CD226: variants seen among roughly 807,000 people sequenced by gnomAD.
The protein encoded by CD226 is CD226 antigen.
In CD226, 24 loss-of-function variants were observed where a neutral mutation model predicts 34.9. The ratio of observed to expected loss-of-function variants is 0.69; its 90% CI spans 0.50 to 0.97. The LOEUF (loss-of-function observed/expected upper bound fraction) is 0.97. Ranked by LOEUF, CD226 falls within the 50% of genes least tolerant of loss-of-function variation. The pLI is 0.00. For missense variants in CD226, 397 were observed against 412.7 expected, an observed-to-expected ratio of 0.96 and a Z score of 0.33; for synonymous variants, 148 against 147.4, an observed-to-expected ratio of 1.00 and a Z score of -0.03.
intron 2 of CD226, among the ~76,000 whole-genome samples, chr18:69,921,326 G>C (rs2055448110): frequency 6.6e-6 from 1 of 152,062 alleles, no homozygotes; most frequent in South Asian, 2.1e-4. Context: ...TGTTCTGTCT[G>C]CTGAGATCCT....
At chr18:69,898,852 A>G (rs1210282287) in intron 2 of CD226, among the ~76,000 whole-genome samples, 1 of 152,214 alleles carries the variant, frequency 6.6e-6, no homozygotes, top group Non-Finnish European at 1.5e-5. Flanking sequence ...AAGAGCCCAC[A>G]CAAACAAGAG....
chr18:69,907,946 CCT>C (rs1384098636), intron 2 of CD226, among the ~76,000 whole-genome samples: 2 of 152,076 alleles, frequency 1.3e-5, no homozygotes, highest in African/African-American at 4.8e-5. Context: ...TAAGTTATAA[CCT>C]CTGTTTGTAC....
Position 69,857,395 on chromosome 18 carries a change from T to C in CD226, c.*6919A>G, listed in dbSNP as rs1982643138. 1 of 152,198 alleles carries C rather than the reference T, an allele frequency of 6.6e-6. No homozygotes were observed. The highest frequency in any genetic ancestry group is 2.1e-4 in the South Asian group (1 of 4,832). 9.4% of individuals were successfully genotyped at this position (152,198 alleles called of 1,614,324 possible). A position where few individuals can be genotyped will look rare whatever the true frequency, so the allele number is the denominator to read the frequency against. The stretch of plus-strand genomic sequence containing the variant: ...CAACTGAAGCCACATCCAAAGCTGT[T>C]ACTCAGAAAACTTAGTATCACTGAG... On this transcript the variant is annotated 3_prime_UTR_variant, in exon 6 of 6. Coordinates refer to ENST00000582621, the MANE Select transcript of CD226 (RefSeq NM_001303618.2).
At chr18:69,904,417 C>A (rs930228646) in intron 2 of CD226, among the ~76,000 whole-genome samples, 1 of 152,234 alleles carries the variant, frequency 6.6e-6, no homozygotes, top group Non-Finnish European at 1.5e-5. Flanking sequence ...ACTGCTGAGA[C>A]CACCGGCCTC....
intron 3 of CD226, among the ~76,000 whole-genome samples, chr18:69,882,359 G>A (rs1018327351): frequency 4.6e-5 from 7 of 152,128 alleles, no homozygotes; most frequent in African/African-American, 9.7e-5. Context: ...TTGTGTGTAC[G>A]TTTTACCTAC....
chr18:69,865,122 T>C (rs936858211), intron 5 of CD226, among the ~76,000 whole-genome samples: 3 of 152,120 alleles, frequency 2.0e-5, no homozygotes, highest in Non-Finnish European at 4.4e-5. Flanking sequence ...CACGAGTAGC[T>C]GGGATTACAG....
At chr18:69,885,691 T>C (rs1330582748) in intron 3 of CD226, among the ~76,000 whole-genome samples, 1 of 152,138 alleles carries the variant, frequency 6.6e-6, no homozygotes. Flanking sequence ...AATCTGTTCC[T>C]GGTGTGGATT....
upstream of CD226, among the ~76,000 whole-genome samples, chr18:69,957,980 A>G (rs2055910283): frequency 5.3e-5 from 8 of 152,074 alleles, 1 homozygote; most frequent in South Asian, 1.5e-3. Flanking sequence ...TCCAACTTAC[A>G]TTGTGTAATT....
Position 69,931,363 on chromosome 18 carries a change from C to T in CD226, c.382+15371G>A, listed in dbSNP as rs531961103. Among the ~76,000 whole-genome samples the T allele has an allele frequency of 8.3e-4, 124 of 149,648 alleles. 1 individual carries two copies. Among genetic ancestry groups the T allele is most frequent in the Non-Finnish European group, 3.1e-4 (21 of 67,396 alleles). On this transcript the variant is annotated intron_variant, in intron 2 of 5. Coordinates refer to ENST00000582621, the MANE Select transcript of CD226 (RefSeq NM_001303618.2). ...AAACCTGCATGTTGTGCACATGTAC[C>T]CTAAAACTTAAAGTATAATAATAAT...
upstream of CD226, among the ~76,000 whole-genome samples, chr18:69,950,964 T>C (rs1187273693): frequency 7.6e-6 from 1 of 132,274 alleles, no homozygotes; most frequent in Non-Finnish European, 1.6e-5. Flanking sequence ...TACTGAAAAC[T>C]ATGATTTTGT....
At chr18:69,866,808 G>T (rs971562874) in intron 5 of CD226, among the ~76,000 whole-genome samples, 3 of 152,106 alleles carry the variant, frequency 2.0e-5, no homozygotes, top group Non-Finnish European at 4.4e-5. Flanking sequence ...GATAACTGGG[G>T]TCTCCATAAG....
chr18:69,879,935 C>T (rs770270337), intron 3 of CD226, among the ~76,000 whole-genome samples: 18 of 152,170 alleles, frequency 1.2e-4, no homozygotes, highest in Non-Finnish European at 1.8e-4. Flanking sequence ...TGGGTTTATA[C>T]GGAATTGTAC....
intron 2 of CD226, among the ~76,000 whole-genome samples, chr18:69,903,379 A>G (rs923669808): frequency 3.3e-5 from 5 of 152,166 alleles, no homozygotes; most frequent in Non-Finnish European, 2.9e-5. Flanking sequence ...CCCTGTGTGC[A>G]TTCATTTCAA....
rs1389466058 is a variant in CD226 at position 69,867,381 on chromosome 18, A to T, written c.861T>A (p.Phe287Leu). 2 of 1,596,610 alleles carry T rather than the reference A, an allele frequency of 1.3e-6. No homozygotes were observed. Among genetic ancestry groups the T allele is most frequent in the Admixed American group, 3.3e-5 (2 of 59,996 alleles). The change falls in exon 5 of 6, where the codon TTT becomes TTA. Residue 287 changes from phenylalanine (F) to leucine (L), a missense_variant. By Grantham distance (22) the Phe-to-Leu change is conservative. Coordinates refer to ENST00000582621, the MANE Select transcript of CD226 (RefSeq NM_001303618.2). ...CCTTCTGTGTATCCCAGGACTCTGTAAATAGATCTCTTCTCTCTCTCCTTC... is the reference window on the plus strand; with the variant it reads ...CCTTCTGTGTATCCCAGGACTCTGTTAATAGATCTCTTCTCTCTCTCCTTC... ...RRRRRERRDL[F>L]TESWDTQKAP...
At chr18:69,935,962 GACA>G (rs1340486150) in intron 2 of CD226, among the ~76,000 whole-genome samples, 1 of 152,140 alleles carries the variant, frequency 6.6e-6, no homozygotes, top group African/African-American at 2.4e-5. Context: ...GACTGCATTT[GACA>G]ACAAGCCCAA....
chr18:69,877,182 G>A (rs537176884), intron 3 of CD226, among the ~76,000 whole-genome samples: 5 of 152,192 alleles, frequency 3.3e-5, no homozygotes, highest in East Asian at 1.9e-4. Flanking sequence ...CTAGAACTTC[G>A]GACCAATGGG....
intron 2 of CD226, among the ~76,000 whole-genome samples, chr18:69,930,444 C>T (rs751036852): frequency 3.3e-5 from 5 of 152,072 alleles, no homozygotes; most frequent in South Asian, 2.1e-4. Context: ...CAGGGACCAC[C>T]GGAAAAATCC....
rs765057618 is a variant in CD226, at chr18:69,895,656, G to A, written c.727+45C>T. The A allele has an allele frequency of 2.7e-6, 4 of 1,469,772 alleles. No individual in the cohort carries two copies. The Admixed American group carries it at 5.2e-5, about 19-fold the overall frequency. 91.0% of individuals were successfully genotyped at this position (1,469,772 alleles called of 1,614,324 possible). A position where few individuals can be genotyped will look rare whatever the true frequency, so the allele number is the denominator to read the frequency against. ...AAACAGAGACCAGCCCACGGGGCTG[G>A]CTTTTTCCATGTTTGATACCAGAAG... On this transcript the variant is annotated intron_variant, in intron 3 of 5. Transcript: ENST00000582621.
Position 69,947,372 on chromosome 18 carries a change from TGAA to T in CD226, c.32_34del (p.Leu11del). On this transcript the variant is annotated inframe_deletion, in exon 1 of 6. Transcript: ENST00000582621. ...AAGATCATCTTTACCTCTGTATACA[TGAA>T]GAAGAGCCAAAAGTAAAGTAGGATA... is the stretch of plus-strand genomic sequence containing the variant. 6.3e-7 allele frequency: 1 copy of T among 1,583,294 alleles called. No homozygotes were observed. Among genetic ancestry groups the T allele is most frequent in the Non-Finnish European group, 8.6e-7 (1 of 1,163,254 alleles).
Sources: gnomAD v4.1 joint callset for allele counts (sites outside exome capture counted in the v4.1 genomes callset) on GRCh38, gnomAD v4.1.1 for gene constraint, MANE v1.5 for transcripts, NCBI Gene and HGNC (gene_info 2026-07-23, HGNC 2026-07-21) for gene names.